CEP63: variants seen among roughly 807,000 people sequenced by gnomAD.
CEP63 encodes centrosomal protein of 63 kDa.
In CEP63, 84 loss-of-function variants were observed where a neutral mutation model predicts 89.1. The ratio of observed to expected loss-of-function variants is 0.94; its 90% CI spans 0.79 to 1.13. The LOEUF (loss-of-function observed/expected upper bound fraction) is 1.13. Ranked by LOEUF, CEP63 falls within the 50% of genes most tolerant of loss-of-function variation. CEP63 has a pLI of 0.00. For missense variants in CEP63, 838 were observed against 813.3 expected (o/e 1.03, Z -0.37); for synonymous variants, 267 against 272.5 (o/e 0.98, Z 0.20).
the CEP63 span, among the ~76,000 whole-genome samples, chr3:134,684,385 G>A: frequency 6.6e-6 from 1 of 152,210 alleles, no homozygotes; most frequent in Admixed American, 6.5e-5. Flanking sequence ...ATGGGGACAT[G>A]TATTTCTTGC....
the CEP63 span, among the ~76,000 whole-genome samples, chr3:134,653,019 G>GC: frequency 2.6e-4 from 40 of 152,272 alleles, no homozygotes; most frequent in African/African-American, 9.6e-4. Flanking sequence ...AAACTCTGGT[G>GC]CCCCCTCCCA....
At chr3:134,610,649 T>G in the CEP63 span, 1 of 401,778 alleles carries the variant, frequency 2.5e-6, no homozygotes, top group East Asian at 4.3e-5. Context: ...CCAACACCAT[T>G]CAGATCACTT....
chr3:134,624,065 A>G, the CEP63 span, among the ~76,000 whole-genome samples: 2 of 152,036 alleles, frequency 1.3e-5, no homozygotes, highest in African/African-American at 4.8e-5. Context: ...AGAGCCCCTC[A>G]TATCCCAAAC....
chr3:134,523,752 C>G (rs989425904), intron 3 of CEP63, among the ~76,000 whole-genome samples: 5 of 152,124 alleles, frequency 3.3e-5, no homozygotes, highest in Non-Finnish European at 7.4e-5. Context: ...GTCTATGTAT[C>G]TGTTTTTGTA....
the CEP63 span, among the ~76,000 whole-genome samples, chr3:134,640,176 A>ATGAGTTCAGAC: frequency 1.4e-5 from 2 of 141,318 alleles, no homozygotes; most frequent in Non-Finnish European, 3.1e-5. Flanking sequence ...ATTCCGAGCA[A>ATGAGTTCAGAC]TGAGTTCAGA....
the CEP63 span, among the ~76,000 whole-genome samples, chr3:134,667,493 ACAGTATG>A: frequency 6.6e-6 from 1 of 152,134 alleles, no homozygotes; most frequent in Admixed American, 6.5e-5. Flanking sequence ...AATCATGAAA[ACAGTATG>A]TGTGCATGGG....
the CEP63 span, among the ~76,000 whole-genome samples, chr3:134,735,029 T>C: frequency 0.021 from 3,233 of 152,260 alleles, 114 homozygotes; most frequent in African/African-American, 0.074. Context: ...TTACACTGTG[T>C]TGTCTTTTGA....
At chr3:134,747,298 C>A in the CEP63 span, among the ~76,000 whole-genome samples, 1 of 152,098 alleles carries the variant, frequency 6.6e-6, no homozygotes, top group South Asian at 2.1e-4. Context: ...GTTTTGGTAC[C>A]AGTACCATGC....
At chr3:134,701,423 CGTATATATGTGTAT>C in the CEP63 span, among the ~76,000 whole-genome samples, 7 of 88,248 alleles carry the variant, frequency 7.9e-5, no homozygotes, top group South Asian at 7.7e-4. Flanking sequence ...CATATATATA[CGTATATATGTGTAT>C]ATATACATAT....
intron 12 of CEP63, among the ~76,000 whole-genome samples, chr3:134,554,027 A>G (rs1222395412): frequency 1.3e-5 from 2 of 152,124 alleles, no homozygotes; most frequent in African/African-American, 2.4e-5. Context: ...TCTATCCTCA[A>G]ATCCCTCTAA....
chr3:134,675,000 T>A, the CEP63 span, among the ~76,000 whole-genome samples: 3 of 152,242 alleles, frequency 2.0e-5, no homozygotes, highest in South Asian at 6.2e-4. Context: ...ACAATCCCAA[T>A]CAAAACCAGC....
At chr3:134,657,080 G>A in the CEP63 span, among the ~76,000 whole-genome samples, 1 of 152,168 alleles carries the variant, frequency 6.6e-6, no homozygotes, top group Non-Finnish European at 1.5e-5. Context: ...CTGAAACTGG[G>A]AAGAAAAAGA....
At chr3:134,486,635 G>A (rs888496261) in intron 1 of CEP63, 12 of 764,390 alleles carry the variant, frequency 1.6e-5, no homozygotes, top group Non-Finnish European at 1.8e-5. Context: ...CCCCAGTGCG[G>A]CCTCCCTGCC....
At chr3:134,744,817 C>G in the CEP63 span, among the ~76,000 whole-genome samples, 14 of 152,236 alleles carry the variant, frequency 9.2e-5, no homozygotes, top group African/African-American at 1.2e-4. Context: ...CTTGCCTGGC[C>G]TACTTATATA....
chr3:134,606,539 C>G, the CEP63 span, among the ~76,000 whole-genome samples: 1 of 152,196 alleles, frequency 6.6e-6, no homozygotes, highest in African/African-American at 2.4e-5. Flanking sequence ...CTGGCAGCTT[C>G]TCTCCTAGCC....
At chr3:134,681,666 C>T in the CEP63 span, among the ~76,000 whole-genome samples, 2 of 152,056 alleles carry the variant, frequency 1.3e-5, no homozygotes, top group South Asian at 2.1e-4. Flanking sequence ...GGCATGGGGG[C>T]GGGAAAGAGC....
intron 6 of CEP63, among the ~76,000 whole-genome samples, chr3:134,540,829 G>A (rs1195665179): frequency 6.8e-6 from 1 of 147,576 alleles, no homozygotes; most frequent in East Asian, 2.0e-4. Flanking sequence ...CGGTTGCCCA[G>A]CCTGGAGTAC....
At chr3:134,759,160 C>T in the CEP63 span, among the ~76,000 whole-genome samples, 3 of 152,194 alleles carry the variant, frequency 2.0e-5, no homozygotes, top group Non-Finnish European at 4.4e-5. Flanking sequence ...AGACTTCTGA[C>T]TCTAGAACTG....
intron 11 of CEP63, among the ~76,000 whole-genome samples, chr3:134,574,372 C>G (rs538869203): frequency 6.6e-6 from 1 of 152,246 alleles, no homozygotes; most frequent in Non-Finnish European, 1.5e-5. Flanking sequence ...TCTCAAGATG[C>G]ATTTTGGATC....
Sources: allele counts gnomAD v4.1 joint callset (sites outside exome capture counted in the v4.1 genomes callset), GRCh38; gene constraint gnomAD v4.1.1; transcripts MANE v1.5; gene names NCBI Gene and HGNC (gene_info 2026-07-23, HGNC 2026-07-21).